The following FNDC3B variants were observed in gnomAD, a reference collection of about 807,000 sequenced individuals.
The protein encoded by FNDC3B is fibronectin type III domain containing 3B, also known as fibronectin type III domain-containing protein 3B.
Under a neutral mutation model 151.5 loss-of-function variants are expected in FNDC3B, and 12 were observed. That is an observed-to-expected ratio of 0.08 (90% CI 0.05 to 0.13). The LOEUF is 0.13. Ranked by LOEUF, FNDC3B falls within the 10% of genes least tolerant of loss-of-function variation. The pLI is 1.00. For synonymous variants in FNDC3B, 528 were observed against 549.0 expected, an observed-to-expected ratio of 0.96 and a Z score of 0.54; for missense variants, 1,214 against 1,505.3, an observed-to-expected ratio of 0.81 and a Z score of 3.20.
At chr3:172,048,388 T>G (rs768046865) in intron 1 of FNDC3B, among the ~76,000 whole-genome samples, 1 of 152,184 alleles carries the variant, frequency 6.6e-6, no homozygotes, top group Non-Finnish European at 1.5e-5. Flanking sequence ...CGATCATGGT[T>G]TTTTTAATCT....
intron 3 of FNDC3B, among the ~76,000 whole-genome samples, chr3:172,192,176 G>T (rs868748163): frequency 0.098 from 13,463 of 136,816 alleles, 820 homozygotes; most frequent in Middle Eastern, 0.17. Context: ...TGTGTTTTTT[G>T]TTTTTTTTTT....
intron 25 of FNDC3B, 93 bp from the exon 26 acceptor site, chr3:172,397,071 C>T: frequency 1.0e-6 from 1 of 965,072 alleles, no homozygotes; most frequent in South Asian, 1.7e-5. Context: ...TGAATATAAA[C>T]CAAGAGTGAA....
chr3:172,385,564 T>A (rs990759421), intron 25 of FNDC3B, among the ~76,000 whole-genome samples: 4 of 111,674 alleles, frequency 3.6e-5, no homozygotes, highest in African/African-American at 1.6e-4. Flanking sequence ...ACCTTTTTTC[T>A]TTTTTTTTTT....
intron 5 of FNDC3B, among the ~76,000 whole-genome samples, chr3:172,250,021 A>G (rs1727987854): frequency 6.6e-6 from 1 of 152,174 alleles, no homozygotes; most frequent in African/African-American, 2.4e-5. Context: ...ATGGTAATTT[A>G]TATTGTCACT....
At position 172,179,895 on chromosome 3, in the gene FNDC3B, C is replaced by CAGG. The variant is rs137930947; in HGVS notation, c.187+46350_187+46352dup. On this transcript the variant is annotated intron_variant, in intron 3 of 25. Transcript: ENST00000415807. The stretch of plus-strand genomic sequence containing the variant: ...AAAAAAAAAAAAAAAAGAGTGTAAA[C>CAGG]AGGTAATTTTACTGGGCCTTAGTTT... 4.0e-3 allele frequency among the ~76,000 whole-genome samples: 554 copies of CAGG among 138,350 alleles called. 5 individuals carry two copies. The highest frequency in any genetic ancestry group is 0.014 in the African/African-American group (524 of 37,338). 90.8% of individuals were successfully genotyped at this position (138,350 alleles called of 152,430 possible).
At chr3:172,171,364 C>A (rs1446663663) in intron 3 of FNDC3B, among the ~76,000 whole-genome samples, 10 of 151,906 alleles carry the variant, frequency 6.6e-5, no homozygotes, top group Admixed American at 2.6e-4. Flanking sequence ...CAAAAAATAC[C>A]ACTTCATTTT....
rs148037807 is a variant in FNDC3B at position 172,154,025 on chromosome 3, T to G, written c.187+20479T>G. On this transcript the variant is annotated intron_variant, in intron 3 of 25. Transcript: ENST00000415807. Reference sequence around the variant, plus strand: ...TCCTGTGGCCTAGTTTTCCCTTCAGTGCTGTCAGCTTCCCGCTTGATGCTC... The same window carrying G: ...TCCTGTGGCCTAGTTTTCCCTTCAGGGCTGTCAGCTTCCCGCTTGATGCTC... Among the ~76,000 whole-genome samples the G allele has an allele frequency of 2.5e-3, 388 of 152,326 alleles. 4 individuals are homozygous for G. The highest frequency in any genetic ancestry group is 9.1e-3 in the African/African-American group (378 of 41,572).
intron 3 of FNDC3B, among the ~76,000 whole-genome samples, chr3:172,209,138 G>T (rs534891339): frequency 1.3e-5 from 2 of 152,016 alleles, no homozygotes; most frequent in African/African-American, 4.8e-5. Context: ...TGGGGGTGGG[G>T]GTCGTGTTTC....
chr3:172,371,670 A>G (rs1734890233), intron 23 of FNDC3B, among the ~76,000 whole-genome samples: 1 of 152,158 alleles, frequency 6.6e-6, no homozygotes, highest in Admixed American at 6.5e-5. Flanking sequence ...TCTAAGTAAA[A>G]ATGCCCGACG....
Position 172,371,437 on chromosome 3 carries a change from G to C in FNDC3B, c.3009-6833G>C, listed in dbSNP as rs1734878006. Among the ~76,000 whole-genome samples the C allele has an allele frequency of 2.0e-5, 3 of 152,268 alleles. No individual in the cohort carries two copies. In the South Asian group the frequency reaches 6.2e-4, roughly 32 times the overall value. Reference sequence around the variant, plus strand: ...GTGCAGAATGTTTCTTTAATCATTGGTAAATCACCAACATTAAAACTCATG... The same window carrying C: ...GTGCAGAATGTTTCTTTAATCATTGCTAAATCACCAACATTAAAACTCATG... On this transcript the variant is annotated intron_variant, in intron 23 of 25. Coordinates refer to ENST00000415807, the MANE Select transcript of FNDC3B (RefSeq NM_022763.4).
chr3:172,356,188 T>C (rs1734087704), intron 22 of FNDC3B, among the ~76,000 whole-genome samples: 1 of 152,214 alleles, frequency 6.6e-6, no homozygotes, highest in Non-Finnish European at 1.5e-5. Flanking sequence ...TGGGCTTTAC[T>C]AGGAGACAAG....
chr3:172,362,890 C>A, intron 23 of FNDC3B, 45 bp downstream of exon 23: 1 of 1,449,196 alleles, frequency 6.9e-7, no homozygotes, highest in Non-Finnish European at 9.6e-7. Context: ...GTAGCTTTGG[C>A]TTGTGGGATG....
intron 3 of FNDC3B, among the ~76,000 whole-genome samples, chr3:172,151,850 G>A (rs1207001308): frequency 6.6e-6 from 1 of 152,144 alleles, no homozygotes; most frequent in Non-Finnish European, 1.5e-5. Context: ...ACGGTTATGC[G>A]TTATTTCACT....
At chr3:172,347,791 T>C (rs1733682261) in intron 21 of FNDC3B, among the ~76,000 whole-genome samples, 1 of 152,174 alleles carries the variant, frequency 6.6e-6, no homozygotes, top group Admixed American at 6.5e-5. Context: ...CCAAAAATAA[T>C]CTGGACTAGT....
At chr3:172,243,093 A>G (rs764816698) in intron 4 of FNDC3B, among the ~76,000 whole-genome samples, 2 of 152,140 alleles carry the variant, frequency 1.3e-5, no homozygotes, top group Non-Finnish European at 2.9e-5. Flanking sequence ...CCTCATCTCT[A>G]TCTGAGACCA....
chr3:172,321,534 TTTTTG>T (rs59464072), intron 11 of FNDC3B: 260 of 175,832 alleles, frequency 1.5e-3, no homozygotes, highest in African/African-American at 5.2e-3. Flanking sequence ...TTTGCTTTTG[TTTTTG>T]TTTTGTTTTG....
At chr3:172,369,019 G>C (rs1410473565) in intron 23 of FNDC3B, among the ~76,000 whole-genome samples, 1 of 152,088 alleles carries the variant, frequency 6.6e-6, no homozygotes, top group Admixed American at 6.6e-5. Context: ...TCAAAAAAAA[G>C]AAAGTAACAT....
intron 3 of FNDC3B, among the ~76,000 whole-genome samples, chr3:172,166,889 G>C (rs1444935922): frequency 2.6e-5 from 4 of 152,146 alleles, no homozygotes; most frequent in Non-Finnish European, 4.4e-5. Context: ...TGCCAGAGAA[G>C]ATAATTTTAA....
At chr3:172,083,446 G>T (rs1284648789) in intron 1 of FNDC3B, among the ~76,000 whole-genome samples, 1 of 152,190 alleles carries the variant, frequency 6.6e-6, no homozygotes, top group Admixed American at 6.5e-5. Flanking sequence ...TTCCAAGGGG[G>T]AAGATACTAC....
Sources: gnomAD v4.1 joint callset for allele counts (sites outside exome capture counted in the v4.1 genomes callset) on GRCh38, gnomAD v4.1.1 for gene constraint, MANE v1.5 for transcripts, NCBI Gene and HGNC (gene_info 2026-07-23, HGNC 2026-07-21) for gene names.